NBPF3: variants seen among roughly 807,000 people sequenced by gnomAD.
NBPF3 encodes the protein NBPF member 3.
Under a neutral mutation model 78.1 loss-of-function variants are expected in NBPF3, and 57 were observed. The ratio of observed to expected loss-of-function variants is 0.73; its 90% CI spans 0.59 to 0.91. The LOEUF (loss-of-function observed/expected upper bound fraction) is 0.91, where lower values mean the gene tolerates loss of function less well. Ranked by LOEUF, NBPF3 falls within the 40% of genes least tolerant of loss-of-function variation. The pLI is 0.00. For missense variants in NBPF3, 510 were observed against 715.3 expected, an observed-to-expected ratio of 0.71 and a Z score of 3.27; for synonymous variants, 182 against 271.7, an observed-to-expected ratio of 0.67 and a Z score of 3.25.
chr1:21,456,768 A>G (rs1641627411), intron 2 of NBPF3, among the ~76,000 whole-genome samples: 1 of 152,254 alleles, frequency 6.6e-6, no homozygotes, highest in Admixed American at 6.5e-5. Context: ...ATTATATTAA[A>G]TGGCATGGGA....
intron 2 of NBPF3, among the ~76,000 whole-genome samples, chr1:21,448,640 G>A (rs1641127174): frequency 6.6e-6 from 1 of 152,166 alleles, no homozygotes; most frequent in African/African-American, 2.4e-5. Context: ...ACTTGGAAAC[G>A]TGTGAGATTC....
Position 21,460,736 on chromosome 1 carries a change from C to A in NBPF3, c.134-7952C>A, listed in dbSNP as rs1294090854. On this transcript the variant is annotated intron_variant, in intron 2 of 14. Transcript: ENST00000318249. The surrounding 1 kb of genome is among the most constrained non-coding windows in gnomAD (Gnocchi z 4.2). ...AGACTAGATACTGTAACACTCACCACAATAAGAAATCAAGCAAATTGCCCT... is the reference window on the plus strand; with the variant it reads ...AGACTAGATACTGTAACACTCACCAAAATAAGAAATCAAGCAAATTGCCCT... Among the ~76,000 whole-genome samples the A allele has an allele frequency of 6.6e-6, 1 of 152,098 alleles. No homozygotes were observed. Among genetic ancestry groups the A allele is most frequent in the Non-Finnish European group, 1.5e-5 (1 of 68,020 alleles).
chr1:21,473,282 C>T, intron 6 of NBPF3, 98 bp from the exon 7 acceptor site: 2 of 1,409,838 alleles, frequency 1.4e-6, no homozygotes, highest in Admixed American at 1.7e-5. Context: ...TCTTGGACCA[C>T]TCTCTTAATG....
chr1:21,477,626 A>G (rs1642954285), intron 8 of NBPF3, among the ~76,000 whole-genome samples: 1 of 152,148 alleles, frequency 6.6e-6, no homozygotes, highest in South Asian at 2.1e-4. Flanking sequence ...GTTTAAATCC[A>G]GGGAGAGAAT....
At chr1:21,474,303 A>G (rs1227650098) in intron 7 of NBPF3, among the ~76,000 whole-genome samples, 1 of 151,190 alleles carries the variant, frequency 6.6e-6, no homozygotes, top group Non-Finnish European at 1.5e-5. Flanking sequence ...TCCCAGGTTC[A>G]AGTGATTCTC....
chr1:21,453,599 A>C (rs925265404), intron 2 of NBPF3: 1 of 152,266 alleles, frequency 6.6e-6, no homozygotes, highest in Admixed American at 6.5e-5. Context: ...TCTAGAGATA[A>C]GGCGGGAGGG....
chr1:21,446,888 A>T (rs1172408203), intron 2 of NBPF3, among the ~76,000 whole-genome samples: 1 of 152,040 alleles, frequency 6.6e-6, no homozygotes, highest in Non-Finnish European at 1.5e-5. Context: ...AGAAACCTGC[A>T]CTGTCTAGAT....
rs574298110 is a variant in NBPF3 at position 21,456,502 on chromosome 1, T to A, written c.133+11283T>A. ...TATATTTCAATATATTTGTTAAAAGTTTATAATTAAAAAAACTGTCCTAGC... is the reference window on the plus strand; with the variant it reads ...TATATTTCAATATATTTGTTAAAAGATTATAATTAAAAAAACTGTCCTAGC... On this transcript the variant is annotated intron_variant, in intron 2 of 14. Coordinates refer to ENST00000318249, the MANE Select transcript of NBPF3 (RefSeq NM_032264.6). 1.4e-4 allele frequency among the ~76,000 whole-genome samples: 21 copies of A among 152,332 alleles called. No individual in the cohort carries two copies. In the South Asian group the frequency reaches 3.9e-3, roughly 29 times the overall value.
At chr1:21,443,856 C>A (rs1180601990) in intron 1 of NBPF3, among the ~76,000 whole-genome samples, 3 of 152,176 alleles carry the variant, frequency 2.0e-5, no homozygotes, top group Non-Finnish European at 4.4e-5. Context: ...AATGATCCTC[C>A]CACCTTGGCA....
At chr1:21,436,845 A>T, upstream of NBPF3, 3 of 708,528 alleles carry the variant, frequency 4.2e-6, no homozygotes, top group African/African-American at 2.0e-5. This position sits in a 1 kb window ranked among gnomAD's most constrained non-coding sequence, Gnocchi z 4.3. Context: ...GTGCAGCCAG[A>T]GGCCCGGGGG....
At chr1:21,451,628 A>G (rs1309712702) in intron 2 of NBPF3, 3 of 154,652 alleles carry the variant, frequency 1.9e-5, no homozygotes, top group Admixed American at 6.5e-5. Context: ...TCCTGTGACC[A>G]GCATGAGCTT....
chr1:21,445,261 G>A, intron 2 of NBPF3, 42 bp downstream of exon 2: 2 of 1,598,644 alleles, frequency 1.3e-6, no homozygotes, highest in Non-Finnish European at 1.7e-6. Flanking sequence ...GGGTCAGAGA[G>A]TCCTCTTTCT....
chr1:21,445,347 T>G (rs892457496), intron 2 of NBPF3, 128 bp downstream of exon 2: 2 of 1,054,124 alleles, frequency 1.9e-6, no homozygotes, highest in African/African-American at 3.2e-5. Flanking sequence ...GAAACAGATA[T>G]TAAATACGTA....
upstream of NBPF3, among the ~76,000 whole-genome samples, chr1:21,437,843 G>A (rs1279214589): frequency 6.9e-6 from 1 of 144,282 alleles, no homozygotes; most frequent in Non-Finnish European, 1.5e-5. Context: ...TTTTTCTTTT[G>A]AGACGGAGTT....
intron 2 of NBPF3, chr1:21,454,324 T>C (rs895165434): frequency 6.6e-6 from 1 of 152,206 alleles, no homozygotes; most frequent in African/African-American, 2.4e-5. Flanking sequence ...TATCTTTTAC[T>C]GATAAACTCA....
At chr1:21,479,728 C>A (rs1200277306) in intron 10 of NBPF3, among the ~76,000 whole-genome samples, 4 of 151,852 alleles carry the variant, frequency 2.6e-5, no homozygotes, top group African/African-American at 9.7e-5. Context: ...CCTGAAGGCA[C>A]AAATATAGAG....
chr1:21,438,081 A>C (rs1640459774), upstream of NBPF3, among the ~76,000 whole-genome samples: 3 of 151,106 alleles, frequency 2.0e-5, no homozygotes, highest in Non-Finnish European at 4.4e-5. Context: ...GGGCCTTCTA[A>C]AGTGCTGGGA....
intron 10 of NBPF3, 94 bp downstream of exon 10, chr1:21,479,494 A>G (rs1483471356): frequency 2.9e-5 from 31 of 1,077,370 alleles, no homozygotes; most frequent in Admixed American, 1.5e-4. Context: ...TGATGATTTC[A>G]TCTTGTCAGA....
chr1:21,463,012 T>C (rs1642037094), intron 2 of NBPF3, among the ~76,000 whole-genome samples: 2 of 152,210 alleles, frequency 1.3e-5, no homozygotes, highest in African/African-American at 4.8e-5. Context: ...GACAAAATAT[T>C]CTAACATAAA....
Sources: allele counts gnomAD v4.1 joint callset (sites outside exome capture counted in the v4.1 genomes callset), GRCh38; gene constraint gnomAD v4.1.1; non-coding constraint Gnocchi (gnomAD v3.1); transcripts MANE v1.5; gene names NCBI Gene and HGNC (gene_info 2026-07-23, HGNC 2026-07-21).